Variants in IL1RL2 observed in about 807,000 individuals in gnomAD.
The protein encoded by IL1RL2 is interleukin 1 receptor like 2, also known as interleukin-1 receptor-like 2.
A neutral mutation model predicts 66.8 loss-of-function variants in IL1RL2; 68 were observed. The ratio of observed to expected loss-of-function variants is 1.02; its 90% CI spans 0.84 to 1.25. IL1RL2 has a LOEUF of 1.25. Ranked by LOEUF, IL1RL2 falls within the 50% of genes most tolerant of loss-of-function variation. The probability of loss-of-function intolerance (pLI) is 0.00; values close to 1 mark genes in which losing one functional copy is unlikely to be tolerated. For missense variants in IL1RL2, 729 were observed against 709.3 expected, an observed-to-expected ratio of 1.03 and a Z score of -0.32; for synonymous variants, 305 against 264.6, an observed-to-expected ratio of 1.15 and a Z score of -1.48.
In IL1RL2 at chr2:102,187,065, C is replaced by A. The variant is rs1456987713; in HGVS notation, c.-34C>A. 5.4e-6 allele frequency: 7 copies of A among 1,289,866 alleles called. No homozygotes were observed. Among genetic ancestry groups the A allele is most frequent in the South Asian group, 2.5e-5 (2 of 81,032 alleles). The allele number at this position is 1,289,866 out of a possible 1,614,324, so 79.9% of individuals were successfully genotyped here. On this transcript the variant is annotated 5_prime_UTR_variant, in exon 1 of 12. Coordinates refer to ENST00000264257, the MANE Select transcript of IL1RL2 (RefSeq NM_003854.4). The stretch of plus-strand genomic sequence containing the variant: ...ATTTTCCACTCTCCACGAGGTCCTG[C>A]GCGCTTCAATCCTGCAGGCAGGTAG...
intron 9 of IL1RL2, among the ~76,000 whole-genome samples, chr2:102,228,840 A>G (rs1690871375): frequency 6.6e-6 from 1 of 152,242 alleles, no homozygotes; most frequent in Non-Finnish European, 1.5e-5. Context: ...TCATGAGAGA[A>G]CATGGCTTTT....
At chr2:102,238,529 C>A (rs1007858555) in intron 11 of IL1RL2, among the ~76,000 whole-genome samples, 5 of 152,228 alleles carry the variant, frequency 3.3e-5, no homozygotes, top group African/African-American at 9.6e-5. Flanking sequence ...ACGCAGACCA[C>A]TTCCTGCCAC....
At chr2:102,226,825 C>A (rs35327589) in intron 9 of IL1RL2, among the ~76,000 whole-genome samples, 1,843 of 152,246 alleles carry the variant, frequency 0.012, 31 homozygotes, top group African/African-American at 0.037. Flanking sequence ...AAGAAAGGGA[C>A]AGTGATTAAA....
intron 6 of IL1RL2, 38 bp downstream of exon 6, chr2:102,212,212 G>T: frequency 7.2e-7 from 1 of 1,380,350 alleles, no homozygotes; most frequent in Non-Finnish European, 1.0e-6. Context: ...ATCACCAGGG[G>T]AAGAGCTCAT....
intron 3 of IL1RL2, among the ~76,000 whole-genome samples, chr2:102,190,916 C>G (rs551449298): frequency 1.4e-4 from 22 of 152,292 alleles, no homozygotes; most frequent in Admixed American, 1.4e-3. Flanking sequence ...TTCTCCAAGA[C>G]TTTTATTACT....
chr2:102,201,580 C>T lies in IL1RL2; in HGVS notation c.514C>T (p.Arg172Trp), dbSNP rs184118101. The change falls in exon 5 of 12, where the codon CGG becomes TGG. Residue 172 changes from arginine to tryptophan, a missense_variant. Physicochemically the swap from Arg to Trp is moderately radical, Grantham distance 101. Coordinates refer to ENST00000264257, the MANE Select transcript of IL1RL2 (RefSeq NM_003854.4). ...YKDCNEIKGE[R>W]FTVLETRLLV... ...GGACTGTAACGAGATTAAAGGGGAGCGGTTCACTGTTTTGGAAACCAGGCT... is the reference window on the plus strand; with the variant it reads ...GGACTGTAACGAGATTAAAGGGGAGTGGTTCACTGTTTTGGAAACCAGGCT... 34 of 1,613,798 alleles carry T rather than the reference C, an allele frequency of 2.1e-5. No individual in the cohort carries two copies. The highest frequency in any genetic ancestry group is 9.9e-5 in the South Asian group (9 of 91,076).
chr2:102,212,541 C>T (rs1162188100), intron 6 of IL1RL2, among the ~76,000 whole-genome samples: 1 of 152,010 alleles, frequency 6.6e-6, no homozygotes, highest in African/African-American at 2.4e-5. Flanking sequence ...CCTCACAATG[C>T]AAGATATATT....
intron 4 of IL1RL2, among the ~76,000 whole-genome samples, chr2:102,195,618 T>TTTCC (rs1687659911): frequency 3.7e-4 from 6 of 16,370 alleles, no homozygotes; most frequent in African/African-American, 8.4e-4. Context: ...TCTTTCTTTC[T>TTTCC]TTCTTTCTTT....
At chr2:102,229,492 A>G (rs902900932) in intron 9 of IL1RL2, among the ~76,000 whole-genome samples, 1 of 152,204 alleles carries the variant, frequency 6.6e-6, no homozygotes, top group African/African-American at 2.4e-5. Flanking sequence ...GAGATCGCAC[A>G]GTCTTGCTGG....
chr2:102,219,959 C>G lies in IL1RL2; in HGVS notation c.933C>G (p.Gly311=). ...TGGAAGTGAAAATGGAAGATTATGGCCTTCCTTTCATGTGCCACGCTGGAG... is the reference window on the plus strand; with the variant it reads ...TGGAAGTGAAAATGGAAGATTATGGGCTTCCTTTCATGTGCCACGCTGGAG... ...TFLEVKMEDY[G]LPFMCHAGVS... is the part of the protein sequence containing the mutation. The change falls in exon 8 of 12, where the codon GGC becomes GGG. Residue 311 remains glycine, a synonymous_variant. Transcript: ENST00000264257. 6.2e-7 allele frequency: 1 copy of G among 1,613,582 alleles called. No individual in the cohort carries two copies. The highest frequency in any genetic ancestry group is 8.5e-7 in the Non-Finnish European group (1 of 1,179,594).
intron 4 of IL1RL2, among the ~76,000 whole-genome samples, chr2:102,200,049 C>G (rs534995999): frequency 7.2e-6 from 1 of 138,062 alleles, no homozygotes; most frequent in African/African-American, 2.7e-5. Context: ...CCCAGCTACT[C>G]GGGAGGCTGG....
In IL1RL2 at chr2:102,235,418, T is replaced by C. The variant is rs975889203; in HGVS notation, c.1678+141T>C. 9.0e-6 allele frequency: 13 copies of C among 1,448,710 alleles called. No homozygotes were observed. The Admixed American group carries it at 3.5e-4, about 39-fold the overall frequency. 89.7% of individuals were successfully genotyped at this position (1,448,710 alleles called of 1,614,324 possible). A position where few individuals can be genotyped will look rare whatever the true frequency, so the allele number is the denominator to read the frequency against. ...GCAGTTGCGTACTAGTGAGAGGATC[T>C]GTTGTGTTTGTTGTCATTTGTTTGC... is the stretch of plus-strand genomic sequence containing the variant. On this transcript the variant is annotated intron_variant, in intron 11 of 11. Coordinates refer to ENST00000264257, the MANE Select transcript of IL1RL2 (RefSeq NM_003854.4).
At chr2:102,187,960 C>T (rs768404161) in intron 2 of IL1RL2, 35 bp downstream of exon 2, 1 of 1,596,906 alleles carries the variant, frequency 6.3e-7, no homozygotes, top group South Asian at 1.1e-5. Flanking sequence ...CCAGAGGCTG[C>T]CCGAGTCCAC....
At chr2:102,232,942 G>A (rs1427038590) in intron 9 of IL1RL2, 21 bp from the exon 10 acceptor site, 2 of 1,598,640 alleles carry the variant, frequency 1.3e-6, no homozygotes, top group South Asian at 1.1e-5. Context: ...AATTCCACAA[G>A]CTTGTCCAAT....
intron 6 of IL1RL2, among the ~76,000 whole-genome samples, chr2:102,217,312 A>G (rs1317297537): frequency 3.9e-5 from 6 of 152,204 alleles, no homozygotes; most frequent in African/African-American, 1.2e-4. Flanking sequence ...AAGAATTAAT[A>G]TTGTTCAAAT....
intron 4 of IL1RL2, among the ~76,000 whole-genome samples, chr2:102,199,321 C>T (rs1234793536): frequency 6.6e-6 from 1 of 152,182 alleles, no homozygotes; most frequent in Non-Finnish European, 1.5e-5. Context: ...GCTTCTGATG[C>T]TCGTCTCCTC....
In IL1RL2 at chr2:102,191,958, C is replaced by A. The variant is rs758788874; in HGVS notation, c.327C>A (p.Asn109Lys). 1.2e-6 allele frequency: 2 copies of A among 1,612,602 alleles called. No individual in the cohort carries two copies. The highest frequency in any genetic ancestry group is 1.7e-6 in the Non-Finnish European group (2 of 1,179,340). ...GRDSCHRIHVNLTVFEKHWCD... is the reference protein window; with the variant it reads ...GRDSCHRIHVKLTVFEKHWCD... ...ACAGCTGTCATAGAATACATGTAAA[C>A]CTAACTGTTTTTGAAAAACATTGGT... Residue 109 changes from asparagine to lysine, a missense_variant, in exon 4 of 12, where the codon AAC becomes AAA. By Grantham distance (94) the Asn-to-Lys change is moderately conservative (BLOSUM62 0). Coordinates refer to ENST00000264257, the MANE Select transcript of IL1RL2 (RefSeq NM_003854.4).
chr2:102,215,160 G>A (rs1174101692), intron 6 of IL1RL2, among the ~76,000 whole-genome samples: 1 of 152,206 alleles, frequency 6.6e-6, no homozygotes, highest in African/African-American at 2.4e-5. Context: ...CAGGTCCTGA[G>A]CCCAGTTTGG....
chr2:102,239,256 A>G lies in IL1RL2; in HGVS notation c.*15A>G, dbSNP rs770646675. On this transcript the variant is annotated 3_prime_UTR_variant, in exon 12 of 12. Transcript: ENST00000264257. ...CGACTGGCTAAGACTTGCTGGACTG[A>G]CACCTATGGCTGGAAGATGACTTGT... 1 of 1,612,764 alleles carries G rather than the reference A, an allele frequency of 6.2e-7. No homozygotes were observed. Among genetic ancestry groups the G allele is most frequent in the Non-Finnish European group, 8.5e-7 (1 of 1,178,750 alleles).
Sources: allele counts gnomAD v4.1 joint callset (sites outside exome capture counted in the v4.1 genomes callset), GRCh38; gene constraint gnomAD v4.1.1; transcripts MANE v1.5; gene names NCBI Gene and HGNC (gene_info 2026-07-23, HGNC 2026-07-21).